The following NCKAP5 variants were observed in gnomAD, a reference collection of about 807,000 sequenced individuals.
NCKAP5 encodes NCK associated protein 5, also known as nck-associated protein 5.
A neutral mutation model predicts 167.0 loss-of-function variants in NCKAP5; 92 were observed. The ratio of observed to expected loss-of-function variants is 0.55; its 90% CI spans 0.47 to 0.66. The LOEUF is 0.66. Ranked by LOEUF, NCKAP5 falls within the 30% of genes least tolerant of loss-of-function variation. The pLI, the probability that NCKAP5 is intolerant of heterozygous loss-of-function variation, is 0.00. For synonymous variants in NCKAP5, 891 were observed against 877.4 expected, an observed-to-expected ratio of 1.02 and a Z score of -0.27; for missense variants, 2,378 against 2,315.0, an observed-to-expected ratio of 1.03 and a Z score of -0.56.
chr2:133,638,857 C>CAAAAAAAAAAAAAAAAAAAA, the NCKAP5 span, among the ~76,000 whole-genome samples: 1 of 84,054 alleles, frequency 1.2e-5, no homozygotes, highest in African/African-American at 4.5e-5. Context: ...GACTCTATCT[C>CAAAAAAAAAAAAAAAAAAAA]AAAAAAAAAA....
chr2:133,026,193 T>TG (rs2078690480), intron 6 of NCKAP5, among the ~76,000 whole-genome samples: 2 of 102,952 alleles, frequency 1.9e-5, no homozygotes, highest in Admixed American at 9.5e-5. Flanking sequence ...TAATGGTTTG[T>TG]GGTTTTTTTC....
At chr2:133,390,205 G>A (rs527407436) in intron 3 of NCKAP5, among the ~76,000 whole-genome samples, 48 of 152,280 alleles carry the variant, frequency 3.2e-4, no homozygotes, top group African/African-American at 9.6e-4. Flanking sequence ...TGTATATGTC[G>A]CAGGACAAGT....
At chr2:132,972,321 G>T (rs950930692) in intron 7 of NCKAP5, among the ~76,000 whole-genome samples, 3 of 152,186 alleles carry the variant, frequency 2.0e-5, no homozygotes, top group African/African-American at 7.2e-5. Context: ...TTAACAGCCT[G>T]TAACTACTTT....
At chr2:132,848,129 T>G (rs1688806375) in intron 11 of NCKAP5, among the ~76,000 whole-genome samples, 1 of 152,210 alleles carries the variant, frequency 6.6e-6, no homozygotes, top group Non-Finnish European at 1.5e-5. Context: ...ATTTAGCTAC[T>G]GAAAAGAACA....
chr2:132,766,941 T>C (rs1681549035), intron 16 of NCKAP5, among the ~76,000 whole-genome samples: 1 of 152,206 alleles, frequency 6.6e-6, no homozygotes, highest in Non-Finnish European at 1.5e-5. Flanking sequence ...TTAGATACTT[T>C]ATGGTTGGAT....
At chr2:132,721,444 C>T (rs933727619) in intron 19 of NCKAP5, among the ~76,000 whole-genome samples, 1 of 152,094 alleles carries the variant, frequency 6.6e-6, no homozygotes, top group East Asian at 1.9e-4. Flanking sequence ...AGGTTGGGGA[C>T]CTCTATTAAG....
chr2:133,069,946 C>T (rs914361538), intron 6 of NCKAP5, among the ~76,000 whole-genome samples: 1 of 151,662 alleles, frequency 6.6e-6, no homozygotes, highest in Non-Finnish European at 1.5e-5. Flanking sequence ...ATTTTATATT[C>T]CAAAATGAAA....
At chr2:133,199,357 TA>T (rs1324106315) in intron 5 of NCKAP5, among the ~76,000 whole-genome samples, 1 of 152,046 alleles carries the variant, frequency 6.6e-6, no homozygotes, top group African/African-American at 2.4e-5. Flanking sequence ...AAGAGACTTA[TA>T]TTCAAAATAT....
intron 5 of NCKAP5, among the ~76,000 whole-genome samples, chr2:133,180,246 A>G (rs1311846440): frequency 6.6e-6 from 1 of 152,218 alleles, no homozygotes; most frequent in Non-Finnish European, 1.5e-5. Flanking sequence ...AGGAGAAATC[A>G]AGACATCTCA....
intron 8 of NCKAP5, among the ~76,000 whole-genome samples, chr2:132,946,223 C>T (rs528727945): frequency 5.3e-5 from 8 of 152,158 alleles, no homozygotes; most frequent in Non-Finnish European, 1.2e-4. Flanking sequence ...GCAGCAAAAG[C>T]GTCAGGAGAT....
intron 3 of NCKAP5, among the ~76,000 whole-genome samples, chr2:133,505,633 G>A (rs951308051): frequency 2.0e-5 from 3 of 152,148 alleles, no homozygotes; most frequent in African/African-American, 7.2e-5. Flanking sequence ...CTCAGAGAAG[G>A]CAGGTGACAT....
chr2:133,124,992 G>C (rs1975220), intron 6 of NCKAP5, among the ~76,000 whole-genome samples: 22,600 of 152,010 alleles, frequency 0.15, 1,944 homozygotes, highest in East Asian at 0.37. Context: ...GCTGCAGCGA[G>C]GTGAGGCTGC....
intron 1 of NCKAP5, among the ~76,000 whole-genome samples, chr2:133,567,825 T>G (rs1002729776): frequency 1.3e-5 from 2 of 152,060 alleles, no homozygotes; most frequent in African/African-American, 4.8e-5. Flanking sequence ...GTGTACCAGT[T>G]CATGAAAAAG....
At chr2:133,242,249 C>T (rs563408437) in intron 4 of NCKAP5, among the ~76,000 whole-genome samples, 1 of 140,246 alleles carries the variant, frequency 7.1e-6, no homozygotes, top group South Asian at 2.1e-4. Flanking sequence ...TTTTTCTTTT[C>T]TTTTCTTTTC....
chr2:132,853,173 T>G (rs1179658635), intron 11 of NCKAP5, among the ~76,000 whole-genome samples: 1 of 152,240 alleles, frequency 6.6e-6, no homozygotes, highest in Non-Finnish European at 1.5e-5. Flanking sequence ...AGGCCAATTC[T>G]GGTCCATGGT....
At chr2:132,847,067 G>C (rs955614364) in intron 11 of NCKAP5, among the ~76,000 whole-genome samples, 3 of 151,998 alleles carry the variant, frequency 2.0e-5, no homozygotes, top group Non-Finnish European at 2.9e-5. Context: ...TTAAAAAGTA[G>C]GAAATGGGCC....
At chr2:133,647,922 A>G in the NCKAP5 span, among the ~76,000 whole-genome samples, 1 of 152,142 alleles carries the variant, frequency 6.6e-6, no homozygotes, top group Non-Finnish European at 1.5e-5. Context: ...TGGATTAGAC[A>G]CCCCAATCAA....
At chr2:133,406,928 G>A (rs1688475629) in intron 3 of NCKAP5, among the ~76,000 whole-genome samples, 1 of 150,528 alleles carries the variant, frequency 6.6e-6, no homozygotes, top group South Asian at 2.1e-4. Context: ...TGTGGCTGGG[G>A]ACAGCCTTCA....
intron 4 of NCKAP5, among the ~76,000 whole-genome samples, chr2:133,264,004 C>T (rs1344765866): frequency 6.6e-6 from 1 of 152,140 alleles, no homozygotes; most frequent in African/African-American, 2.4e-5. Flanking sequence ...CACTTTCATC[C>T]CATTTTAGAT....
Sources: gnomAD v4.1 joint callset for allele counts (sites outside exome capture counted in the v4.1 genomes callset) on GRCh38, gnomAD v4.1.1 for gene constraint, MANE v1.5 for transcripts, NCBI Gene and HGNC (gene_info 2026-07-23, HGNC 2026-07-21) for gene names.